The following ATP6V1E1 variants were observed in gnomAD, a reference collection of about 807,000 sequenced individuals.
The protein encoded by ATP6V1E1 is ATPase H+ transporting V1 subunit E1, also known as V-type proton ATPase subunit E 1.
A neutral mutation model predicts 35.2 loss-of-function variants in ATP6V1E1; 21 were observed. The observed-to-expected ratio is 0.60, with a 90% CI of 0.42 to 0.86. The LOEUF (loss-of-function observed/expected upper bound fraction) is 0.86. Ranked by LOEUF, ATP6V1E1 falls within the 40% of genes least tolerant of loss-of-function variation. ATP6V1E1 has a pLI of 0.00. For synonymous variants in ATP6V1E1, 83 were observed against 87.8 expected (o/e 0.95, Z 0.30); for missense variants, 183 against 272.6 (o/e 0.67, Z 2.32).
intron 4 of ATP6V1E1, among the ~76,000 whole-genome samples, chr22:17,605,220 A>AAAG (rs2057780433): frequency 7.4e-6 from 1 of 134,704 alleles, no homozygotes. Context: ...AAAAAAAAAA[A>AAAG]AAAGAAAAGA....
chr22:17,619,403 C>G, intron 2 of ATP6V1E1, 58 bp downstream of exon 2: 1 of 1,458,260 alleles, frequency 6.9e-7, no homozygotes, highest in Non-Finnish European at 9.4e-7. Flanking sequence ...TATTATTTAG[C>G]AAAGCAAAAC....
chr22:17,627,953 TAAA>T (rs747287561), intron 1 of ATP6V1E1, among the ~76,000 whole-genome samples: 3 of 141,364 alleles, frequency 2.1e-5, no homozygotes, highest in Admixed American at 7.1e-5. Flanking sequence ...CCCTCAGGGT[TAAA>T]AAAAAAAAAA....
chr22:17,628,688 G>C lies in ATP6V1E1; in HGVS notation c.-53C>G. 1.9e-6 allele frequency: 3 copies of C among 1,612,092 alleles called. No homozygotes were observed. The highest frequency in any genetic ancestry group is 8.5e-7 in the Non-Finnish European group (1 of 1,178,274). On this transcript the variant is annotated 5_prime_UTR_variant, in exon 1 of 9. Coordinates refer to ENST00000253413, the MANE Select transcript of ATP6V1E1 (RefSeq NM_001696.4). ...AGTAGGCTCGAGTTTAGGTTTGAAA[G>C]GTGAGGTGAGAGAAATCGGCAAAGG...
chr22:17,609,964 A>G (rs9617601), intron 4 of ATP6V1E1, among the ~76,000 whole-genome samples: 64 of 152,184 alleles, frequency 4.2e-4, no homozygotes, highest in East Asian at 5.8e-4. Flanking sequence ...TATCTATGCC[A>G]CTTCAAATTT....
intron 2 of ATP6V1E1, among the ~76,000 whole-genome samples, chr22:17,616,123 G>A (rs1169721917): frequency 6.6e-6 from 1 of 151,576 alleles, no homozygotes; most frequent in Non-Finnish European, 1.5e-5. Flanking sequence ...TGAAGCTGGA[G>A]GATCATGAGG....
chr22:17,609,043 CGCCACT>C (rs1322390761), intron 4 of ATP6V1E1, among the ~76,000 whole-genome samples: 2 of 151,952 alleles, frequency 1.3e-5, no homozygotes, highest in South Asian at 2.1e-4. Flanking sequence ...GCTGATATCG[CGCCACT>C]GCCACTGCAC....
chr22:17,597,516 T>G (rs2057738129), intron 7 of ATP6V1E1, among the ~76,000 whole-genome samples: 1 of 151,220 alleles, frequency 6.6e-6, no homozygotes, highest in Admixed American at 6.6e-5. Context: ...CTTGTTTTGA[T>G]AACTATTACT....
At chr22:17,602,002 T>A (rs1287839049) in intron 4 of ATP6V1E1, among the ~76,000 whole-genome samples, 1 of 152,122 alleles carries the variant, frequency 6.6e-6, no homozygotes, top group Non-Finnish European at 1.5e-5. Flanking sequence ...CCATCCAGGC[T>A]CAAGTGATCT....
chr22:17,628,085 C>T (rs1024323978), intron 1 of ATP6V1E1, among the ~76,000 whole-genome samples: 1 of 151,342 alleles, frequency 6.6e-6, no homozygotes, highest in Non-Finnish European at 1.5e-5. Flanking sequence ...CCGGGTTCAG[C>T]TTCCCGAGTA....
In ATP6V1E1 at chr22:17,621,379, G is replaced by A. The variant is rs185640344; in HGVS notation, c.34-1853C>T. Among the ~76,000 whole-genome samples the A allele has an allele frequency of 3.9e-3, 588 of 152,192 alleles. 3 individuals carry two copies. The highest frequency in any genetic ancestry group is 4.4e-3 in the Non-Finnish European group (297 of 67,992). ...GGCTAGAGTGCAATGGCACAATCCC[G>A]CCTCATTTTGACCTCCGCCTTCTAC... On this transcript the variant is annotated intron_variant, in intron 1 of 8. Transcript: ENST00000253413.
chr22:17,599,950 A>C, intron 6 of ATP6V1E1, 77 bp downstream of exon 6: 3 of 1,072,940 alleles, frequency 2.8e-6, no homozygotes, highest in Non-Finnish European at 2.7e-6. Flanking sequence ...GAAGGAAGGA[A>C]GGAAAAGAAA....
intron 2 of ATP6V1E1, among the ~76,000 whole-genome samples, chr22:17,616,473 G>A (rs1278399427): frequency 6.6e-6 from 1 of 151,992 alleles, no homozygotes; most frequent in Non-Finnish European, 1.5e-5. Flanking sequence ...GAGTTCAGGA[G>A]TTCAAGACCA....
chr22:17,615,038 C>T (rs1035652253), intron 2 of ATP6V1E1, among the ~76,000 whole-genome samples: 16 of 152,044 alleles, frequency 1.1e-4, no homozygotes, highest in Non-Finnish European at 2.2e-4. Flanking sequence ...CGCCATGGCT[C>T]ACGCCTATAA....
intron 1 of ATP6V1E1, among the ~76,000 whole-genome samples, chr22:17,619,791 G>T (rs1191309395): frequency 6.6e-6 from 1 of 152,162 alleles, no homozygotes; most frequent in African/African-American, 2.4e-5. Context: ...GGATAAGTGA[G>T]ATCATTCCTA....
intron 4 of ATP6V1E1, among the ~76,000 whole-genome samples, chr22:17,605,423 G>C (rs547077496): frequency 1.3e-5 from 2 of 151,718 alleles, no homozygotes; most frequent in Non-Finnish European, 2.9e-5. Context: ...CCAGCTACTC[G>C]GGAGGCTGAG....
chr22:17,615,214 T>C (rs1195074608), intron 2 of ATP6V1E1, among the ~76,000 whole-genome samples: 1 of 151,884 alleles, frequency 6.6e-6, no homozygotes, highest in Non-Finnish European at 1.5e-5. Flanking sequence ...GGCAGGAGAA[T>C]TGCTTGAAGC....
chr22:17,592,842 G>T, intron 8 of ATP6V1E1, 106 bp from the exon 9 acceptor site: 1 of 1,053,040 alleles, frequency 9.5e-7, no homozygotes, highest in Non-Finnish European at 1.4e-6. Context: ...TCGCTCTGTC[G>T]CCCAGGCTGG....
chr22:17,628,347 T>A (rs1424868708), intron 1 of ATP6V1E1, among the ~76,000 whole-genome samples: 1 of 152,100 alleles, frequency 6.6e-6, no homozygotes, highest in Non-Finnish European at 1.5e-5. Flanking sequence ...AATGCTGAGG[T>A]GGGAGGCAAA....
chr22:17,618,491 G>C (rs1400093753), intron 2 of ATP6V1E1, among the ~76,000 whole-genome samples: 1 of 151,450 alleles, frequency 6.6e-6, no homozygotes, highest in Non-Finnish European at 1.5e-5. Flanking sequence ...GACCATCCTG[G>C]CTAATGTGGT....
Sources: allele counts gnomAD v4.1 joint callset (sites outside exome capture counted in the v4.1 genomes callset), GRCh38; gene constraint gnomAD v4.1.1; transcripts MANE v1.5; gene names NCBI Gene and HGNC (gene_info 2026-07-23, HGNC 2026-07-21).